Variants in GALNT10 observed in about 807,000 individuals in gnomAD.
GALNT10 encodes polypeptide N-acetylgalactosaminyltransferase 10.
A neutral mutation model predicts 75.0 loss-of-function variants in GALNT10; 41 were observed. That is an observed-to-expected ratio of 0.55 (90% confidence interval 0.43 to 0.71). The LOEUF is 0.71. GALNT10 is among the 30% of genes least tolerant of loss of function. The probability of loss-of-function intolerance (pLI) is 0.00; values close to 1 mark genes in which losing one functional copy is unlikely to be tolerated. For missense variants in GALNT10, 727 were observed against 818.5 expected (o/e 0.89, Z 1.36); for synonymous variants, 302 against 313.0 (o/e 0.96, Z 0.37).
intron 1 of GALNT10, among the ~76,000 whole-genome samples, chr5:154,194,378 C>G (rs890793): frequency 6.6e-6 from 1 of 151,972 alleles, no homozygotes; most frequent in African/African-American, 2.4e-5. Context: ...AGCCTTGGAA[C>G]GATTTCCTTA....
intron 1 of GALNT10, among the ~76,000 whole-genome samples, chr5:154,215,051 T>C (rs1752844244): frequency 6.6e-6 from 1 of 152,224 alleles, no homozygotes; most frequent in South Asian, 2.1e-4. Flanking sequence ...TATGTATAAC[T>C]TGTGTGATTC....
In GALNT10 at chr5:154,380,586, C is replaced by T. The variant is rs1194548910; in HGVS notation, c.893C>T (p.Pro298Leu). 2.5e-6 allele frequency: 4 copies of T among 1,613,972 alleles called. No individual in the cohort carries two copies. Among genetic ancestry groups the T allele is most frequent in the South Asian group, 1.1e-5 (1 of 91,066 alleles). The change falls in exon 6 of 12, where the codon CCG becomes CTG. Residue 298 changes from proline (P) to leucine (L), a missense_variant. By Grantham distance (98) the Pro-to-Leu change is moderately conservative. Coordinates refer to ENST00000297107, the MANE Select transcript of GALNT10 (RefSeq NM_198321.4). ...TGGGAGATGTACTACAAGCGGATCCCGATCCCTCCAGAACTGCAGAAAGCT... is the reference window on the plus strand; with the variant it reads ...TGGGAGATGTACTACAAGCGGATCCTGATCCCTCCAGAACTGCAGAAAGCT... ...FDWEMYYKRI[P>L]IPPELQKADP...
rs546799926 is a variant in GALNT10, at chr5:154,278,353, T to C, written c.160-16463T>C. On this transcript the variant is annotated intron_variant, in intron 1 of 11. Transcript: ENST00000297107. ...GGGGGTAGATGAGTGGTTGTTGGAG[T>C]TGGGGACTTCTAGTCAAATAAACTT... Among the ~76,000 whole-genome samples, 65 of 152,282 alleles carry C rather than the reference T, an allele frequency of 4.3e-4. 1 individual carries two copies. In the South Asian group the frequency reaches 0.012, roughly 27 times the overall value.
chr5:154,311,751 T>C (rs1434711522), intron 3 of GALNT10, among the ~76,000 whole-genome samples: 1 of 152,008 alleles, frequency 6.6e-6, no homozygotes, highest in Non-Finnish European at 1.5e-5. Flanking sequence ...GCTGGGACTA[T>C]GGGCACACGC....
At chr5:154,285,483 C>A (rs1161423187) in intron 1 of GALNT10, among the ~76,000 whole-genome samples, 1 of 152,156 alleles carries the variant, frequency 6.6e-6, no homozygotes, top group African/African-American at 2.4e-5. Flanking sequence ...TGGGTTTCAC[C>A]TGCATCTGTG....
chr5:154,310,501 G>T lies in GALNT10; in HGVS notation c.401+12422G>T, dbSNP rs112852829. 1.8e-3 allele frequency among the ~76,000 whole-genome samples: 270 copies of T among 151,520 alleles called. 1 individual carries two copies. Among genetic ancestry groups the T allele is most frequent in the African/African-American group, 4.5e-3 (185 of 41,222 alleles). On this transcript the variant is annotated intron_variant, in intron 3 of 11. Transcript: ENST00000297107. ...TGTTTTGTTTTTGAGACAGAGTCTC[G>T]CTCTGTCATCCAGGCTGGAGTGCAG...
At chr5:154,264,815 A>G (rs533654109) in intron 1 of GALNT10, among the ~76,000 whole-genome samples, 1 of 152,268 alleles carries the variant, frequency 6.6e-6, no homozygotes, top group South Asian at 2.1e-4. Flanking sequence ...AATCAATTGC[A>G]TTTCTAAGCC....
chr5:154,286,709 C>G (rs569972057), intron 1 of GALNT10, among the ~76,000 whole-genome samples: 1 of 152,278 alleles, frequency 6.6e-6, no homozygotes, highest in South Asian at 2.1e-4. Flanking sequence ...GTGACCTTCC[C>G]CTCTTAGAGA....
chr5:154,328,171 C>T (rs887422934), intron 3 of GALNT10, among the ~76,000 whole-genome samples: 2 of 151,986 alleles, frequency 1.3e-5, no homozygotes, highest in Non-Finnish European at 2.9e-5. Flanking sequence ...TTGTTTTGAT[C>T]CTGTATTAAA....
rs189008425 is a variant in GALNT10, at chr5:154,212,947, G to A, written c.159+21922G>A. Among the ~76,000 whole-genome samples, 56 of 144,464 alleles carry A rather than the reference G, an allele frequency of 3.9e-4. No homozygotes were observed. In the East Asian group the frequency reaches 8.3e-3, roughly 21 times the overall value. 94.8% of individuals were successfully genotyped at this position (144,464 alleles called of 152,430 possible). A position where few individuals can be genotyped will look rare whatever the true frequency, so the allele number is the denominator to read the frequency against. On this transcript the variant is annotated intron_variant, in intron 1 of 11. Transcript: ENST00000297107. Reference sequence around the variant, plus strand: ...CGCGCCACTGCTCTCCAGCCTGGGCGACAGAGTGAGATTCCATCTCAAAAA... The same window carrying A: ...CGCGCCACTGCTCTCCAGCCTGGGCAACAGAGTGAGATTCCATCTCAAAAA...
At chr5:154,397,486 A>G (rs1756043368) in intron 7 of GALNT10, among the ~76,000 whole-genome samples, 1 of 152,188 alleles carries the variant, frequency 6.6e-6, no homozygotes, top group Non-Finnish European at 1.5e-5. Context: ...AGGTAGGCAC[A>G]GTAATTTTTC....
chr5:154,380,487 T>A lies in GALNT10; in HGVS notation c.794T>A (p.Met265Lys). Residue 265 changes from methionine to lysine, a missense_variant, in exon 6 of 12, where the codon ATG becomes AAG. Transcript: ENST00000297107. ...AACCGCAAGACCATTGTGTGCCCGA[T>A]GATTGATGTAATTGACCATGACGAC... ...ARNRKTIVCP[M>K]IDVIDHDDFR... 1 of 1,614,084 alleles carries A rather than the reference T, an allele frequency of 6.2e-7. No individual in the cohort carries two copies. Among genetic ancestry groups the A allele is most frequent in the South Asian group, 1.1e-5 (1 of 91,086 alleles).
intron 7 of GALNT10, among the ~76,000 whole-genome samples, chr5:154,401,426 G>C (rs535600498): frequency 3.3e-5 from 5 of 152,190 alleles, no homozygotes; most frequent in Admixed American, 2.0e-4. Flanking sequence ...GGCAATACCC[G>C]CCAGGCAAAA....
At chr5:154,248,347 C>T (rs899991882) in intron 1 of GALNT10, among the ~76,000 whole-genome samples, 1 of 152,162 alleles carries the variant, frequency 6.6e-6, no homozygotes, top group Non-Finnish European at 1.5e-5. Flanking sequence ...GGGAGGATTC[C>T]CTCTTTTTCT....
chr5:154,250,324 C>T (rs772920428), intron 1 of GALNT10, among the ~76,000 whole-genome samples: 15 of 152,142 alleles, frequency 9.9e-5, no homozygotes, highest in African/African-American at 2.7e-4. Context: ...AATTATTTTT[C>T]GATAAAGCCC....
At chr5:154,270,074 AG>A (rs1472821605) in intron 1 of GALNT10, among the ~76,000 whole-genome samples, 3 of 151,982 alleles carry the variant, frequency 2.0e-5, no homozygotes, top group African/African-American at 7.3e-5. Flanking sequence ...ATGGAGATGA[AG>A]GGGGTCTCAA....
At chr5:154,356,343 A>G (rs1264199337) in intron 4 of GALNT10, 1 of 397,748 alleles carries the variant, frequency 2.5e-6, no homozygotes, top group Admixed American at 2.9e-5. Context: ...GAAAGCAAGG[A>G]GACAGTGAAG....
At chr5:154,326,718 G>A (rs1199524719) in intron 3 of GALNT10, among the ~76,000 whole-genome samples, 1 of 152,144 alleles carries the variant, frequency 6.6e-6, no homozygotes, top group Admixed American at 6.5e-5. Context: ...AAGCAGATTA[G>A]GGATTGCTAG....
At chr5:154,408,548 A>G (rs1756329975) in intron 8 of GALNT10, among the ~76,000 whole-genome samples, 1 of 152,068 alleles carries the variant, frequency 6.6e-6, no homozygotes, top group South Asian at 2.1e-4. Flanking sequence ...AATTTTCATC[A>G]CATACATAAG....
Sources: allele counts gnomAD v4.1 joint callset (sites outside exome capture counted in the v4.1 genomes callset), GRCh38; gene constraint gnomAD v4.1.1; transcripts MANE v1.5; gene names NCBI Gene and HGNC (gene_info 2026-07-23, HGNC 2026-07-21).